The following POLR2F variants were observed in gnomAD, a reference collection of about 807,000 sequenced individuals.
The protein encoded by POLR2F is RNA polymerase II, I and III subunit F.
Under a neutral mutation model 22.7 loss-of-function variants are expected in POLR2F, and 12 were observed. The observed-to-expected ratio is 0.53, with a 90% confidence interval of 0.34 to 0.86. The LOEUF (loss-of-function observed/expected upper bound fraction) is 0.86, where lower values mean the gene tolerates loss of function less well. Among genes scored for constraint, POLR2F ranks in the 40% least tolerant of loss-of-function variants. The pLI, the probability that POLR2F is intolerant of heterozygous loss-of-function variation, is 0.02. For synonymous variants in POLR2F, 57 were observed against 66.0 expected (o/e 0.86, Z 0.66); for missense variants, 126 against 171.5 (o/e 0.73, Z 1.48).
At chr22:38,000,954 G>A (rs1399412670) in intron 1 of POLR2F, among the ~76,000 whole-genome samples, 1 of 152,184 alleles carries the variant, frequency 6.6e-6, no homozygotes, top group Admixed American at 6.5e-5. Context: ...ATGGAATGGG[G>A]TGATGATGTT....
rs1213827706 is a variant in POLR2F at position 37,980,090 on chromosome 22, C to G, written c.293+12920C>G. Among the ~76,000 whole-genome samples the G allele has an allele frequency of 6.6e-6, 1 of 152,178 alleles. No homozygotes were observed. The highest frequency in any genetic ancestry group is 1.9e-4 in the East Asian group (1 of 5,190). ...AGCCCAGCCCTAGCCCCAGCTTTCT[C>G]AGAGGGTCCCTCCAGCCGAGACTCT... is the stretch of plus-strand genomic sequence containing the variant. On this transcript the variant is annotated intron_variant, in intron 4 of 4. Transcript: ENST00000405557. This position sits in a 1 kb window ranked among gnomAD's most constrained non-coding sequence, Gnocchi z 4.1.
At chr22:38,007,215 G>T (rs2084829435) in intron 1 of POLR2F, among the ~76,000 whole-genome samples, 1 of 152,176 alleles carries the variant, frequency 6.6e-6, no homozygotes, top group African/African-American at 2.4e-5. Flanking sequence ...CATGTCTCCG[G>T]CAGGCCCCCA....
downstream of POLR2F, chr22:37,972,436 G>T (rs545717344): frequency 1.1e-5 from 4 of 357,114 alleles, no homozygotes; most frequent in African/African-American, 6.4e-5. Context: ...ATGTGGATTT[G>T]GGGGGCTGCA....
chr22:37,976,244 A>C (rs189661461), intron 4 of POLR2F, among the ~76,000 whole-genome samples: 48 of 152,230 alleles, frequency 3.2e-4, no homozygotes, highest in African/African-American at 8.2e-4. Flanking sequence ...AAAACAAAAA[A>C]AAGACAGAGT....
At position 37,958,655 on chromosome 22, in the gene POLR2F, C is replaced by T. The variant is rs180927424; in HGVS notation, c.91-691C>T. ...CCTCATTGGTTTGACAGCTCCTGCTCATCCTTCTAGGTGAGCTCAAGCCTC... is the reference window on the plus strand; with the variant it reads ...CCTCATTGGTTTGACAGCTCCTGCTTATCCTTCTAGGTGAGCTCAAGCCTC... On this transcript the variant is annotated intron_variant, in intron 2 of 4. Transcript: ENST00000442738. Among the ~76,000 whole-genome samples, 4 of 152,302 alleles carry T rather than the reference C, an allele frequency of 2.6e-5. No individual in the cohort carries two copies. The East Asian group carries it at 7.7e-4, about 29-fold the overall frequency.
chr22:38,025,547 C>A, intron 1 of POLR2F: 1 of 1,465,192 alleles, frequency 6.8e-7, no homozygotes, highest in South Asian at 1.5e-5. Flanking sequence ...GTTTGCCTGT[C>A]CACGCCCTTC....
downstream of POLR2F, among the ~76,000 whole-genome samples, chr22:38,027,049 GA>G: frequency 6.6e-6 from 1 of 152,196 alleles, no homozygotes; most frequent in East Asian, 1.9e-4. Flanking sequence ...ACTGGATGGT[GA>G]TGGCCTGCGG....
At chr22:37,966,410 C>T (rs1931853729) in intron 3 of POLR2F, among the ~76,000 whole-genome samples, 2 of 151,850 alleles carry the variant, frequency 1.3e-5, no homozygotes. Context: ...TGACTGCTGG[C>T]CTCAGGTGAA....
Position 37,978,084 on chromosome 22 carries a change from G to A in POLR2F, c.293+10914G>A. ...GGTGGTCTTTCTTGTGCTGCATACGGAGCCGCTCAGCCTCCTCGATGAAGG... is the reference window on the plus strand; with the variant it reads ...GGTGGTCTTTCTTGTGCTGCATACGAAGCCGCTCAGCCTCCTCGATGAAGG... On this transcript the variant is annotated intron_variant, in intron 4 of 4. Coordinates refer to the POLR2F transcript ENST00000405557. The surrounding 1 kb of genome is among the most constrained non-coding windows in gnomAD (Gnocchi z 5.0). 6.2e-7 allele frequency: 1 copy of A among 1,602,154 alleles called. No individual in the cohort carries two copies. Among genetic ancestry groups the A allele is most frequent in the South Asian group, 1.1e-5 (1 of 90,238 alleles).
At chr22:37,975,391 G>T (rs906554378) in intron 4 of POLR2F, among the ~76,000 whole-genome samples, 16 of 152,170 alleles carry the variant, frequency 1.1e-4, no homozygotes, top group African/African-American at 3.9e-4. Flanking sequence ...GTCTGAGTGG[G>T]GTGGGGCCTT....
chr22:38,004,050 C>T (rs1016964560), intron 1 of POLR2F, among the ~76,000 whole-genome samples: 9 of 152,070 alleles, frequency 5.9e-5, no homozygotes, highest in East Asian at 1.9e-4. Flanking sequence ...AGTGCAGTGG[C>T]GTGACATAGC....
rs572232538 is a variant in POLR2F, at chr22:38,017,428, G to A, written c.121-8441G>A. 6.6e-6 allele frequency among the ~76,000 whole-genome samples: 1 copy of A among 152,278 alleles called. No homozygotes were observed. The highest frequency in any genetic ancestry group is 1.5e-5 in the Non-Finnish European group (1 of 68,020). On this transcript the variant is annotated intron_variant, in intron 1 of 2. Coordinates refer to the POLR2F transcript ENST00000333418. This position sits in a 1 kb window ranked among gnomAD's most constrained non-coding sequence, Gnocchi z 4.1. The stretch of plus-strand genomic sequence containing the variant: ...GGGCAGGAGCTGAAAAAGAACCTCA[G>A]TAGGGGAAGGTGGGCCCTGGTACCA...
downstream of POLR2F, chr22:38,041,408 G>A (rs146048195): frequency 5.4e-4 from 218 of 404,058 alleles, no homozygotes; most frequent in African/African-American, 3.5e-3. Context: ...GGATCCAGGC[G>A]GGGGATGGAG....
At chr22:38,023,277 G>A (rs146409280) in intron 1 of POLR2F, among the ~76,000 whole-genome samples, 198 of 152,218 alleles carry the variant, frequency 1.3e-3, no homozygotes, top group South Asian at 2.5e-3. Flanking sequence ...TACACGTGGC[G>A]CTGGGACACT....
At chr22:38,041,083 A>G in exon 6 of POLR2F, 1 of 1,612,938 alleles carries the variant, frequency 6.2e-7, no homozygotes, top group Non-Finnish European at 8.5e-7. Flanking sequence ...GGCGGCTCAG[A>G]GAGGAGTGAC....
Position 38,025,481 on chromosome 22 carries a change from A to G in POLR2F, c.121-388A>G, listed in dbSNP as rs914102431. 36 of 1,403,524 alleles carry G rather than the reference A, an allele frequency of 2.6e-5. No individual in the cohort carries two copies. The Admixed American group carries it at 2.9e-4, about 11-fold the overall frequency. The allele number at this position is 1,403,524 out of a possible 1,614,324, so 86.9% of individuals were successfully genotyped here. ...ACACGTACTCAAAGATACGATCACA[A>G]ACACACATTCACACTCACAGTCCCA... On this transcript the variant is annotated intron_variant, in intron 1 of 2. Transcript: ENST00000333418.
chr22:38,013,071 T>C (rs2084885016), intron 1 of POLR2F, among the ~76,000 whole-genome samples: 1 of 147,150 alleles, frequency 6.8e-6, no homozygotes, highest in African/African-American at 2.6e-5. Context: ...TGCTTAGTTA[T>C]GACTTCCTTC....
intron 1 of POLR2F, among the ~76,000 whole-genome samples, chr22:38,020,014 A>T (rs931302574): frequency 1.4e-5 from 2 of 148,036 alleles, no homozygotes; most frequent in African/African-American, 4.9e-5. Flanking sequence ...AACTCTGTCT[A>T]AAAAAAAAAG....
At chr22:37,985,766 A>T (rs1470126104), upstream of POLR2F, among the ~76,000 whole-genome samples, 2 of 148,026 alleles carry the variant, frequency 1.4e-5, no homozygotes, top group East Asian at 4.0e-4. Flanking sequence ...GGACACAATG[A>T]GGTAGTCACA....
Sources: gnomAD v4.1 joint callset for allele counts (sites outside exome capture counted in the v4.1 genomes callset) on GRCh38, gnomAD v4.1.1 for gene constraint, Gnocchi (gnomAD v3.1) non-coding constraint, MANE v1.5 for transcripts, NCBI Gene and HGNC (gene_info 2026-07-23, HGNC 2026-07-21) for gene names.